Variants in SYNPO2 observed in about 807,000 individuals in gnomAD.
The protein encoded by SYNPO2 is synaptopodin 2, also known as synaptopodin-2.
SYNPO2 carries 56 observed loss-of-function variants against 85.0 expected under a neutral mutation model. The ratio of observed to expected loss-of-function variants is 0.66; its 90% CI spans 0.53 to 0.82. The LOEUF (loss-of-function observed/expected upper bound fraction) is 0.82. Among genes scored for constraint, SYNPO2 ranks in the 40% least tolerant of loss-of-function variants. The probability of loss-of-function intolerance (pLI) is 0.00; values close to 1 mark genes in which losing one functional copy is unlikely to be tolerated. For missense variants in SYNPO2, 1,575 were observed against 1,534.2 expected (o/e 1.03, Z -0.44); for synonymous variants, 602 against 591.1 (o/e 1.02, Z -0.27).
intron 4 of SYNPO2, among the ~76,000 whole-genome samples, chr4:119,040,835 G>A (rs1296048887): frequency 6.6e-6 from 1 of 152,212 alleles, no homozygotes; most frequent in Non-Finnish European, 1.5e-5. Context: ...GGAGGGCGCA[G>A]CTCACAGCTG....
At chr4:118,876,791 TC>T (rs1731935093) in intron 1 of SYNPO2, among the ~76,000 whole-genome samples, 1 of 151,002 alleles carries the variant, frequency 6.6e-6, no homozygotes, top group South Asian at 2.1e-4. Flanking sequence ...TCTTTTTTTT[TC>T]TTTCTTCCTT....
chr4:118,929,548 A>G (rs1012768382), intron 1 of SYNPO2, among the ~76,000 whole-genome samples: 4 of 149,694 alleles, frequency 2.7e-5, no homozygotes, highest in Non-Finnish European at 5.9e-5. Flanking sequence ...TTTTAATAGA[A>G]GAACTTGTAC....
intron 1 of SYNPO2, among the ~76,000 whole-genome samples, chr4:118,872,586 G>T (rs775526795): frequency 6.6e-6 from 1 of 152,076 alleles, no homozygotes; most frequent in African/African-American, 2.4e-5. Flanking sequence ...TAACTTTTAC[G>T]CAGATAAGAC....
At chr4:118,907,163 A>C (rs1010214689) in intron 1 of SYNPO2, among the ~76,000 whole-genome samples, 1 of 152,182 alleles carries the variant, frequency 6.6e-6, no homozygotes, top group Non-Finnish European at 1.5e-5. Flanking sequence ...TAACTTTTTA[A>C]AATAATGAAG....
chr4:118,953,166 G>A (rs1181303710), intron 1 of SYNPO2, among the ~76,000 whole-genome samples: 1 of 152,182 alleles, frequency 6.6e-6, no homozygotes. Context: ...CTCAGTATGA[G>A]TTTAAACACG....
chr4:118,977,563 G>C (rs1362940082), intron 1 of SYNPO2, among the ~76,000 whole-genome samples: 1 of 152,206 alleles, frequency 6.6e-6, no homozygotes, highest in African/African-American at 2.4e-5. Context: ...GGGAGGTGCC[G>C]AGAGCAAGCG....
intron 1 of SYNPO2, among the ~76,000 whole-genome samples, chr4:118,979,653 T>C (rs1373412399): frequency 1.3e-5 from 2 of 152,346 alleles, no homozygotes; most frequent in African/African-American, 4.8e-5. Context: ...GGATATCCTT[T>C]CATTATCTAT....
At chr4:118,974,293 T>C (rs560735694) in intron 1 of SYNPO2, among the ~76,000 whole-genome samples, 2 of 152,366 alleles carry the variant, frequency 1.3e-5, no homozygotes, top group Admixed American at 1.3e-4. Flanking sequence ...TACCTAGTTG[T>C]AGTGGTGGCT....
intron 1 of SYNPO2, among the ~76,000 whole-genome samples, chr4:118,905,409 A>G (rs1218294741): frequency 2.0e-5 from 3 of 151,468 alleles, no homozygotes; most frequent in Non-Finnish European, 4.4e-5. Flanking sequence ...TTACCTGCAG[A>G]AGAAACAGAA....
intron 1 of SYNPO2, among the ~76,000 whole-genome samples, chr4:118,892,058 A>G: frequency 6.6e-6 from 1 of 152,152 alleles, no homozygotes; most frequent in East Asian, 1.9e-4. Context: ...AAATTGAATA[A>G]CTTTATAATT....
chr4:118,910,476 T>A (rs776072437), intron 1 of SYNPO2, among the ~76,000 whole-genome samples: 1 of 152,226 alleles, frequency 6.6e-6, no homozygotes, highest in Admixed American at 6.5e-5. Flanking sequence ...TGTTTAGAAG[T>A]TACTTGTTTA....
intron 4 of SYNPO2, among the ~76,000 whole-genome samples, chr4:119,046,915 T>C (rs1014178903): frequency 1.3e-5 from 2 of 152,224 alleles, no homozygotes; most frequent in Non-Finnish European, 2.9e-5. Flanking sequence ...TAAAAGTCTG[T>C]TGTTTTGGAA....
At chr4:118,984,032 C>T (rs1736129062) in intron 1 of SYNPO2, among the ~76,000 whole-genome samples, 1 of 152,172 alleles carries the variant, frequency 6.6e-6, no homozygotes, top group Admixed American at 6.5e-5. Flanking sequence ...TCAGAATCCC[C>T]CTTCTACATG....
chr4:118,910,381 A>G (rs1733095527), intron 1 of SYNPO2, among the ~76,000 whole-genome samples: 1 of 152,234 alleles, frequency 6.6e-6, no homozygotes, highest in South Asian at 2.1e-4. Flanking sequence ...TAACACGCCT[A>G]TACTCATATC....
chr4:118,900,691 CTCTCTCTCTCTCTATATA>C lies in SYNPO2; in HGVS notation c.105+11552_105+11569del, dbSNP rs1415698963. The stretch of plus-strand genomic sequence containing the variant: ...TCTCTCTCTCTCTCTCTCTCTCTCT[CTCTCTCTCTCTCTATATA>C]TATATATATATATATATATATATGT... On this transcript the variant is annotated intron_variant, in intron 1 of 4. Transcript: ENST00000307142. Among the ~76,000 whole-genome samples the C allele has an allele frequency of 5.2e-3, 269 of 51,400 alleles. 1 individual carries two copies. The highest frequency in any genetic ancestry group is 0.011 in the Middle Eastern group (1 of 90). The allele number at this position is 51,400 out of a possible 152,430, so 33.7% of individuals were successfully genotyped here. A position where few individuals can be genotyped will look rare whatever the true frequency, so the allele number is the denominator to read the frequency against.
At chr4:118,985,796 A>G (rs138888030) in intron 1 of SYNPO2, among the ~76,000 whole-genome samples, 4 of 152,320 alleles carry the variant, frequency 2.6e-5, no homozygotes, top group African/African-American at 7.2e-5. Flanking sequence ...ATTCTGTACC[A>G]TGTCATCCAC....
chr4:119,004,409 A>C lies in SYNPO2; in HGVS notation c.106-19021A>C, dbSNP rs568614237. 2.9e-5 allele frequency among the ~76,000 whole-genome samples: 4 copies of C among 139,808 alleles called. No homozygotes were observed. In the Admixed American group the frequency reaches 3.0e-4, roughly 10 times the overall value. 91.7% of individuals were successfully genotyped at this position (139,808 alleles called of 152,430 possible). ...ACCCCACAACAGTCCCCGGTGTGTGATGTTCCCCTTCCTGTGTCCATGTGT... is the reference window on the plus strand; with the variant it reads ...ACCCCACAACAGTCCCCGGTGTGTGCTGTTCCCCTTCCTGTGTCCATGTGT... On this transcript the variant is annotated intron_variant, in intron 1 of 4. Transcript: ENST00000307142.
At chr4:118,891,919 GA>G (rs1166097418) in intron 1 of SYNPO2, among the ~76,000 whole-genome samples, 1 of 152,148 alleles carries the variant, frequency 6.6e-6, no homozygotes, top group East Asian at 1.9e-4. Context: ...CAGTTCTGTA[GA>G]CAATAACACA....
Position 119,007,283 on chromosome 4 carries a change from C to CATAT in SYNPO2, c.106-16136_106-16133dup, listed in dbSNP as rs1183044902. On this transcript the variant is annotated intron_variant, in intron 1 of 4. Coordinates refer to ENST00000307142, the MANE Select transcript of SYNPO2 (RefSeq NM_133477.3). ...ATATATATATATATATATGTATATACATATATATATATATGTATATACACG... is the reference window on the plus strand; with the variant it reads ...ATATATATATATATATATGTATATACATATATATATATATATATGTATATACACG... 2.3e-4 allele frequency among the ~76,000 whole-genome samples: 9 copies of CATAT among 39,760 alleles called. 1 individual carries two copies. Among genetic ancestry groups the CATAT allele is most frequent in the Non-Finnish European group, 4.2e-4 (9 of 21,210 alleles). 26.1% of individuals were successfully genotyped at this position (39,760 alleles called of 152,430 possible).
Sources: allele counts gnomAD v4.1 joint callset (sites outside exome capture counted in the v4.1 genomes callset), GRCh38; gene constraint gnomAD v4.1.1; transcripts MANE v1.5; gene names NCBI Gene and HGNC (gene_info 2026-07-23, HGNC 2026-07-21).